Variants in PTPRZ1 observed in about 807,000 individuals in gnomAD.
PTPRZ1 encodes receptor-type tyrosine-protein phosphatase zeta.
PTPRZ1 carries 82 observed loss-of-function variants against 214.1 expected under a neutral mutation model. The observed-to-expected ratio is 0.38, with a 90% CI of 0.32 to 0.46. PTPRZ1 has a LOEUF of 0.46. PTPRZ1 is among the 20% of genes least tolerant of loss of function. The pLI, the probability that PTPRZ1 is intolerant of heterozygous loss-of-function variation, is 1.00. For missense variants in PTPRZ1, 2,603 were observed against 2,748.7 expected (o/e 0.95, Z 1.19); for synonymous variants, 945 against 987.9 (o/e 0.96, Z 0.81).
chr7:121,918,588 T>C (rs1185829410), intron 1 of PTPRZ1, among the ~76,000 whole-genome samples: 1 of 152,158 alleles, frequency 6.6e-6, no homozygotes, highest in Non-Finnish European at 1.5e-5. Context: ...TTCTTTACAG[T>C]CTTAAAACAT....
At chr7:122,025,245 A>T (rs1799174457) in intron 13 of PTPRZ1, among the ~76,000 whole-genome samples, 1 of 152,180 alleles carries the variant, frequency 6.6e-6, no homozygotes, top group South Asian at 2.1e-4. Context: ...ACTTAAAATA[A>T]ATAATGTAGA....
At chr7:121,897,067 C>T (rs1794807162) in intron 1 of PTPRZ1, among the ~76,000 whole-genome samples, 1 of 152,132 alleles carries the variant, frequency 6.6e-6, no homozygotes, top group African/African-American at 2.4e-5. Context: ...TTAATAATAA[C>T]CATTTCTCAA....
chr7:122,011,811 C>T lies in PTPRZ1; in HGVS notation c.2765C>T (p.Ser922Leu), dbSNP rs1798674947. Reference sequence around the variant, plus strand: ...GATGCCATGATGCATGCACGTTCTTCAGGGCCTGAACCTTCTTATGCCTTG... The same window carrying T: ...GATGCCATGATGCATGCACGTTCTTTAGGGCCTGAACCTTCTTATGCCTTG... ...SSDAMMHARS[S>L]GPEPSYALSD... The change falls in exon 12 of 30, where the codon TCA becomes TTA. Residue 922 changes from serine to leucine, a missense_variant. This residue lies in a region of PTPRZ1 where 1,913 missense variants were observed against 1,914.3 expected (regional missense o/e 1.00). Coordinates refer to ENST00000393386, the MANE Select transcript of PTPRZ1 (RefSeq NM_002851.3). 1 of 1,613,966 alleles carries T rather than the reference C, an allele frequency of 6.2e-7. No homozygotes were observed. Among genetic ancestry groups the T allele is most frequent in the Admixed American group, 1.7e-5 (1 of 60,004 alleles).
intron 6 of PTPRZ1, 131 bp downstream of exon 6, chr7:121,976,982 C>A: frequency 1.8e-6 from 1 of 562,940 alleles, no homozygotes; most frequent in Non-Finnish European, 3.0e-6. Flanking sequence ...CAATCTCTCA[C>A]TTTCCACACT....
intron 2 of PTPRZ1, among the ~76,000 whole-genome samples, chr7:121,963,025 A>C (rs774746303): frequency 6.6e-6 from 1 of 152,164 alleles, no homozygotes; most frequent in Non-Finnish European, 1.5e-5. Context: ...TCCACTAAAA[A>C]AAAAATCATT....
intron 2 of PTPRZ1, among the ~76,000 whole-genome samples, chr7:121,956,099 T>C (rs1246674335): frequency 6.6e-6 from 1 of 152,114 alleles, no homozygotes; most frequent in Non-Finnish European, 1.5e-5. Context: ...TCTAGCTTTT[T>C]ATACATCCTA....
intron 2 of PTPRZ1, among the ~76,000 whole-genome samples, chr7:121,952,905 C>A (rs1796601775): frequency 6.6e-6 from 1 of 151,912 alleles, no homozygotes; most frequent in African/African-American, 2.4e-5. Flanking sequence ...AAACATCATC[C>A]TTAAGAAATG....
At chr7:122,002,959 AT>A (rs1313066265) in intron 10 of PTPRZ1, among the ~76,000 whole-genome samples, 4 of 152,200 alleles carry the variant, frequency 2.6e-5, no homozygotes, top group Non-Finnish European at 4.4e-5. Context: ...TAATTTGAAG[AT>A]TTTTTATATG....
intron 2 of PTPRZ1, among the ~76,000 whole-genome samples, chr7:121,952,220 A>G (rs550472563): frequency 1.3e-5 from 2 of 151,860 alleles, no homozygotes; most frequent in Non-Finnish European, 2.9e-5. Context: ...GGCCTCCCAA[A>G]GTGCTGGGAT....
At chr7:121,989,254 C>T (rs1275380514) in intron 8 of PTPRZ1, among the ~76,000 whole-genome samples, 1 of 152,156 alleles carries the variant, frequency 6.6e-6, no homozygotes, top group Non-Finnish European at 1.5e-5. Flanking sequence ...ATTAGACCCA[C>T]AGAAATTAGT....
chr7:121,997,068 A>G (rs1035148641), intron 9 of PTPRZ1, among the ~76,000 whole-genome samples: 8 of 152,138 alleles, frequency 5.3e-5, no homozygotes, highest in African/African-American at 1.7e-4. Context: ...AAAAAGATCC[A>G]CCCCTGCCTC....
At chr7:121,989,044 A>G (rs1797856680) in intron 8 of PTPRZ1, among the ~76,000 whole-genome samples, 1 of 152,232 alleles carries the variant, frequency 6.6e-6, no homozygotes, top group Non-Finnish European at 1.5e-5. Flanking sequence ...CAAATAATTT[A>G]CATTCTTCAT....
intron 1 of PTPRZ1, among the ~76,000 whole-genome samples, chr7:121,924,209 GA>G (rs537872365): frequency 6.6e-6 from 1 of 151,616 alleles, no homozygotes; most frequent in Non-Finnish European, 1.5e-5. Context: ...CACAGAAACA[GA>G]AAAAAAATTC....
At chr7:122,000,348 A>G (rs913077473) in intron 10 of PTPRZ1, among the ~76,000 whole-genome samples, 1 of 151,908 alleles carries the variant, frequency 6.6e-6, no homozygotes, top group African/African-American at 2.4e-5. Context: ...CAATAATACT[A>G]TCTTGTGGCT....
intron 2 of PTPRZ1, among the ~76,000 whole-genome samples, chr7:121,939,485 T>G (rs2116415558): frequency 6.6e-6 from 1 of 152,326 alleles, no homozygotes; most frequent in Non-Finnish European, 1.5e-5. Flanking sequence ...TGACATGTAG[T>G]TTTTCTTTTC....
At chr7:121,955,019 G>A (rs1032019224) in intron 2 of PTPRZ1, among the ~76,000 whole-genome samples, 1 of 152,164 alleles carries the variant, frequency 6.6e-6, no homozygotes, top group African/African-American at 2.4e-5. Flanking sequence ...TGCCATATGG[G>A]CAGCATGGAC....
intron 2 of PTPRZ1, among the ~76,000 whole-genome samples, chr7:121,938,245 G>A (rs1001634515): frequency 4.6e-5 from 7 of 152,062 alleles, no homozygotes; most frequent in African/African-American, 1.7e-4. Context: ...ACACATCATA[G>A]GCAATCACTG....
chr7:121,989,524 G>A (rs899733616), intron 8 of PTPRZ1, among the ~76,000 whole-genome samples: 4 of 151,964 alleles, frequency 2.6e-5, no homozygotes, highest in African/African-American at 9.7e-5. Context: ...ACTGGCATGC[G>A]CCACCACACC....
intron 28 of PTPRZ1, 115 bp downstream of exon 28, chr7:122,059,057 G>A (rs1189116481): frequency 3.8e-6 from 4 of 1,060,324 alleles, no homozygotes; most frequent in Non-Finnish European, 5.2e-6. Flanking sequence ...TTCAGCCATG[G>A]TGGATTATCT....
Sources: gnomAD v4.1 joint callset for allele counts (sites outside exome capture counted in the v4.1 genomes callset) on GRCh38, gnomAD v4.1.1 for gene constraint, gnomAD v4.1.1 regional missense constraint, MANE v1.5 for transcripts, NCBI Gene and HGNC (gene_info 2026-07-23, HGNC 2026-07-21) for gene names.